KIAA1328: variants seen among roughly 807,000 people sequenced by gnomAD.
KIAA1328 encodes KIAA1328, also known as protein hinderin.
A neutral mutation model predicts 68.1 loss-of-function variants in KIAA1328; 52 were observed. The ratio of observed to expected loss-of-function variants is 0.76; its 90% CI spans 0.61 to 0.96. The LOEUF is 0.96. Among genes scored for constraint, KIAA1328 ranks in the 40% least tolerant of loss-of-function variants. The probability of loss-of-function intolerance (pLI) is 0.00; values close to 1 mark genes in which losing one functional copy is unlikely to be tolerated. For missense variants in KIAA1328, 641 were observed against 677.6 expected (o/e 0.95, Z 0.60); for synonymous variants, 232 against 239.4 (o/e 0.97, Z 0.28).
chr18:36,920,379 G>A (rs1353461549), intron 5 of KIAA1328, among the ~76,000 whole-genome samples: 2 of 152,032 alleles, frequency 1.3e-5, no homozygotes, highest in African/African-American at 4.8e-5. Flanking sequence ...CTTTATTTCT[G>A]TGTTCTCTAT....
At chr18:36,977,682 G>C (rs1796370145) in intron 6 of KIAA1328, among the ~76,000 whole-genome samples, 1 of 152,118 alleles carries the variant, frequency 6.6e-6, no homozygotes, top group South Asian at 2.1e-4. Flanking sequence ...GAAACAAGGT[G>C]TTTCAGGGTT....
chr18:36,844,142 A>G, intron 3 of KIAA1328, 66 bp from the exon 4 acceptor site: 1 of 993,376 alleles, frequency 1.0e-6, no homozygotes, highest in Non-Finnish European at 1.5e-6. Flanking sequence ...CCTTGCACCT[A>G]GGTTTCTTGA....
chr18:37,184,322 T>C (rs1006909963), intron 9 of KIAA1328, among the ~76,000 whole-genome samples: 14 of 152,238 alleles, frequency 9.2e-5, no homozygotes, highest in African/African-American at 3.1e-4. Context: ...TCAGGGTATT[T>C]CCAGACAAGA....
At chr18:36,889,737 T>C (rs2048619088) in intron 5 of KIAA1328, among the ~76,000 whole-genome samples, 1 of 152,188 alleles carries the variant, frequency 6.6e-6, no homozygotes, top group South Asian at 2.1e-4. Flanking sequence ...AATAAAAAAT[T>C]GCAATTCTCA....
At chr18:37,169,317 C>T (rs896359183) in intron 8 of KIAA1328, among the ~76,000 whole-genome samples, 12 of 151,932 alleles carry the variant, frequency 7.9e-5, no homozygotes, top group Admixed American at 1.3e-4. Flanking sequence ...AGGTGTCTGC[C>T]ACCAGGCCCA....
At chr18:36,890,888 C>T (rs2150999460) in intron 5 of KIAA1328, among the ~76,000 whole-genome samples, 1 of 152,184 alleles carries the variant, frequency 6.6e-6, no homozygotes, top group African/African-American at 2.4e-5. Flanking sequence ...TGGAGCTAGA[C>T]AAGTTGGCTA....
At chr18:37,165,570 C>G (rs1180316011) in intron 8 of KIAA1328, among the ~76,000 whole-genome samples, 8 of 150,566 alleles carry the variant, frequency 5.3e-5, no homozygotes, top group African/African-American at 2.0e-4. Context: ...CAGGTGTGTG[C>G]CACCACACCC....
chr18:37,000,483 A>G (rs1477687534), intron 6 of KIAA1328, among the ~76,000 whole-genome samples: 2 of 152,086 alleles, frequency 1.3e-5, no homozygotes, highest in Non-Finnish European at 2.9e-5. Context: ...TTGACCTTAA[A>G]CTGGCCTTTA....
chr18:37,198,304 A>G lies in KIAA1328; in HGVS notation c.1524-23713A>G, dbSNP rs567229916. Reference sequence around the variant, plus strand: ...AATAAACTAAAAATCACCAAGCTGCATACTTTAAATAGATATACTTTTCTC... The same window carrying G: ...AATAAACTAAAAATCACCAAGCTGCGTACTTTAAATAGATATACTTTTCTC... On this transcript the variant is annotated intron_variant, in intron 9 of 9. Coordinates refer to ENST00000280020, the MANE Select transcript of KIAA1328 (RefSeq NM_020776.3). Among the ~76,000 whole-genome samples the G allele has an allele frequency of 2.5e-3, 380 of 152,354 alleles. 1 individual carries two copies. The highest frequency in any genetic ancestry group is 8.7e-3 in the African/African-American group (362 of 41,590).
At chr18:37,030,332 T>A (rs529074557) in intron 6 of KIAA1328, among the ~76,000 whole-genome samples, 1 of 152,284 alleles carries the variant, frequency 6.6e-6, no homozygotes, top group South Asian at 2.1e-4. Context: ...CTCTAAGAAC[T>A]CCATTAGCTA....
chr18:37,066,486 C>T (rs960061443), intron 6 of KIAA1328, among the ~76,000 whole-genome samples: 2 of 149,238 alleles, frequency 1.3e-5, no homozygotes, highest in African/African-American at 5.2e-5. Flanking sequence ...TGTGTAATGG[C>T]CAAAGAGTAT....
At chr18:36,984,160 A>G (rs963295872) in intron 6 of KIAA1328, among the ~76,000 whole-genome samples, 3 of 152,200 alleles carry the variant, frequency 2.0e-5, no homozygotes, top group African/African-American at 7.2e-5. Context: ...ATACTCAATG[A>G]TGAAAGACTG....
chr18:36,847,297 G>A (rs2047060873), intron 4 of KIAA1328, among the ~76,000 whole-genome samples: 1 of 151,486 alleles, frequency 6.6e-6, no homozygotes, highest in South Asian at 2.1e-4. Flanking sequence ...TATGTTAAGT[G>A]TGTCTATAAC....
At chr18:37,112,851 A>G (rs568529169) in intron 7 of KIAA1328, among the ~76,000 whole-genome samples, 113 of 152,304 alleles carry the variant, frequency 7.4e-4, no homozygotes, top group South Asian at 1.4e-3. Context: ...CACAAACACT[A>G]CGTGATGCAT....
chr18:37,205,166 A>G (rs2060194244), intron 9 of KIAA1328, among the ~76,000 whole-genome samples: 1 of 152,246 alleles, frequency 6.6e-6, no homozygotes, highest in African/African-American at 2.4e-5. Flanking sequence ...AAAATGGGGT[A>G]CAACCCACAT....
chr18:37,212,507 A>G (rs1206321809), intron 9 of KIAA1328, among the ~76,000 whole-genome samples: 2 of 152,198 alleles, frequency 1.3e-5, no homozygotes, highest in Non-Finnish European at 2.9e-5. Flanking sequence ...AGTGCAATTA[A>G]AGGTGCTAGA....
intron 8 of KIAA1328, among the ~76,000 whole-genome samples, chr18:37,163,898 C>T (rs1021587233): frequency 6.6e-6 from 1 of 152,184 alleles, no homozygotes; most frequent in African/African-American, 2.4e-5. Context: ...TCTTTATCAA[C>T]AGCACATAGT....
intron 5 of KIAA1328, among the ~76,000 whole-genome samples, chr18:36,928,668 G>GTTC (rs1006323404): frequency 1.3e-5 from 2 of 152,132 alleles, no homozygotes; most frequent in African/African-American, 4.8e-5. Flanking sequence ...ATGTATAGGG[G>GTTC]TGAGAGAGAG....
At chr18:37,017,622 T>C (rs141371193) in intron 6 of KIAA1328, among the ~76,000 whole-genome samples, 3 of 152,316 alleles carry the variant, frequency 2.0e-5, no homozygotes, top group Non-Finnish European at 4.4e-5. Flanking sequence ...TTAGAAGTAC[T>C]TGTTTTTGTG....
Sources: gnomAD v4.1 joint callset for allele counts (sites outside exome capture counted in the v4.1 genomes callset) on GRCh38, gnomAD v4.1.1 for gene constraint, MANE v1.5 for transcripts, NCBI Gene and HGNC (gene_info 2026-07-23, HGNC 2026-07-21) for gene names.